The following SETBP1 variants were observed in gnomAD, a reference collection of about 807,000 sequenced individuals.
The protein encoded by SETBP1 is SET-binding protein.
SETBP1 carries 9 observed loss-of-function variants against 101.0 expected under a neutral mutation model. The observed-to-expected ratio is 0.09, with a 90% confidence interval of 0.05 to 0.16. The LOEUF (loss-of-function observed/expected upper bound fraction) is 0.16, where lower values mean the gene tolerates loss of function less well. Among genes scored for constraint, SETBP1 ranks in the 10% least tolerant of loss-of-function variants. The probability of loss-of-function intolerance (pLI) is 1.00; values close to 1 mark genes in which losing one functional copy is unlikely to be tolerated. For missense variants in SETBP1, 1,858 were observed against 2,033.8 expected (o/e 0.91, Z 1.66); for synonymous variants, 818 against 788.5 (o/e 1.04, Z -0.63).
intron 2 of SETBP1, among the ~76,000 whole-genome samples, chr18:44,864,857 CTAGA>C (rs796766212): frequency 6.6e-6 from 1 of 152,030 alleles, no homozygotes; most frequent in African/African-American, 2.4e-5. Flanking sequence ...CCCCTCAACC[CTAGA>C]CACAACAAGG....
At position 45,059,221 on chromosome 18, in the gene SETBP1, C is replaced by G. The variant is rs188507017; in HGVS notation, c.4172-3858C>G. The stretch of plus-strand genomic sequence containing the variant: ...CATCAATACTTCCACTTACCTCCTC[C>G]CTTCCTTAGTATTTTAAAGTGAATC... On this transcript the variant is annotated intron_variant, in intron 5 of 5. Coordinates refer to ENST00000649279, the MANE Select transcript of SETBP1 (RefSeq NM_015559.3). 1.0e-3 allele frequency among the ~76,000 whole-genome samples: 152 copies of G among 152,250 alleles called. 2 individuals are homozygous for G. Among genetic ancestry groups the G allele is most frequent in the African/African-American group, 3.4e-3 (142 of 41,560 alleles).
chr18:44,695,885 T>C (rs1468142707), intron 1 of SETBP1, among the ~76,000 whole-genome samples: 2 of 151,362 alleles, frequency 1.3e-5, no homozygotes, highest in Non-Finnish European at 2.9e-5. Context: ...TGTTCATTGA[T>C]GAGACACTGA....
chr18:44,848,135 G>A (rs970242288), intron 2 of SETBP1, among the ~76,000 whole-genome samples: 1 of 151,848 alleles, frequency 6.6e-6, no homozygotes, highest in South Asian at 2.1e-4. Context: ...TGATTCTATA[G>A]TGCAAGTAAC....
At chr18:44,995,530 TG>T (rs1045514771) in intron 4 of SETBP1, among the ~76,000 whole-genome samples, 66 of 12,938 alleles carry the variant, frequency 5.1e-3, no homozygotes, top group African/African-American at 0.027. Context: ...TCCAGGCTTT[TG>T]TGTGTGTGTG....
intron 1 of SETBP1, among the ~76,000 whole-genome samples, chr18:44,693,078 G>A (rs1169282039): frequency 2.0e-5 from 3 of 151,038 alleles, no homozygotes; most frequent in Non-Finnish European, 4.4e-5. Flanking sequence ...TGCTCTTGCC[G>A]ATTGAGAGCT....
intron 5 of SETBP1, among the ~76,000 whole-genome samples, chr18:45,047,682 C>G (rs1184408630): frequency 6.6e-6 from 1 of 152,070 alleles, no homozygotes; most frequent in African/African-American, 2.4e-5. Context: ...CAGAAATGGT[C>G]TCAGGCAATG....
At chr18:44,810,559 C>G (rs2071840218) in intron 2 of SETBP1, among the ~76,000 whole-genome samples, 1 of 152,208 alleles carries the variant, frequency 6.6e-6, no homozygotes, top group African/African-American at 2.4e-5. Flanking sequence ...ATTCCCAAAG[C>G]TTTCCAAATG....
chr18:45,013,149 G>T (rs1450297379), intron 4 of SETBP1, among the ~76,000 whole-genome samples: 1 of 152,220 alleles, frequency 6.6e-6, no homozygotes, highest in Non-Finnish European at 1.5e-5. Context: ...GCAGGATGCT[G>T]AGTCTGTGCC....
At chr18:44,853,910 G>A (rs1169406788) in intron 2 of SETBP1, among the ~76,000 whole-genome samples, 2 of 152,072 alleles carry the variant, frequency 1.3e-5, no homozygotes, top group African/African-American at 4.8e-5. Context: ...CATCCTTTGG[G>A]GGATGGCTTT....
rs558001340 is a variant in SETBP1, at chr18:44,706,804, G to A, written c.486+4972G>A. ...TCAGGGTAGGAGATGTGGTGTGATA[G>A]TCTGACACCAAGCAGCTTTGTGAAT... On this transcript the variant is annotated intron_variant, in intron 2 of 5. Transcript: ENST00000649279. 8.5e-5 allele frequency among the ~76,000 whole-genome samples: 13 copies of A among 152,112 alleles called. No individual in the cohort carries two copies. The East Asian group carries it at 2.5e-3, about 29-fold the overall frequency.
At chr18:44,859,054 A>AGAAG (rs906531652) in intron 2 of SETBP1, among the ~76,000 whole-genome samples, 13 of 151,072 alleles carry the variant, frequency 8.6e-5, no homozygotes, top group African/African-American at 1.2e-4. Flanking sequence ...AAAGAAGGAA[A>AGAAG]GAAGGAAGGA....
Position 44,791,834 on chromosome 18 carries a change from CAGA to C in SETBP1, c.487-77395_487-77393del, listed in dbSNP as rs1214606764. Among the ~76,000 whole-genome samples, 5 of 152,280 alleles carry C rather than the reference CAGA, an allele frequency of 3.3e-5. No individual in the cohort carries two copies. The East Asian group carries it at 9.6e-4, about 29-fold the overall frequency. On this transcript the variant is annotated intron_variant, in intron 2 of 5. Coordinates refer to ENST00000649279, the MANE Select transcript of SETBP1 (RefSeq NM_015559.3). ...ATTTTGGCTCAAGTCTTGAAAAGCA[CAGA>C]GTGATGTCAGCTGAGGCGGCCGCTT...
chr18:44,791,271 C>T (rs1298800723), intron 2 of SETBP1, among the ~76,000 whole-genome samples: 2 of 152,218 alleles, frequency 1.3e-5, no homozygotes, highest in East Asian at 3.9e-4. Context: ...CAGGTCAGCT[C>T]CCACGAAAAA....
intron 5 of SETBP1, among the ~76,000 whole-genome samples, chr18:45,055,549 GAAAATCTTGGT>G (rs2073794517): frequency 6.6e-6 from 1 of 151,786 alleles, no homozygotes; most frequent in African/African-American, 2.4e-5. Context: ...ACTTGTTTTT[GAAAATCTTGGT>G]TTTTTTTTAA....
At chr18:44,941,622 T>C (rs1157919368) in intron 3 of SETBP1, among the ~76,000 whole-genome samples, 1 of 152,172 alleles carries the variant, frequency 6.6e-6, no homozygotes, top group East Asian at 1.9e-4. Context: ...AGTGAGGTAC[T>C]GTTTTTCCAT....
intron 2 of SETBP1, among the ~76,000 whole-genome samples, chr18:44,742,578 C>G (rs886339736): frequency 6.6e-6 from 1 of 152,202 alleles, no homozygotes; most frequent in African/African-American, 2.4e-5. Context: ...GGCAAGATGA[C>G]AAAAGAATCC....
At chr18:44,985,852 G>C (rs1215463704) in intron 4 of SETBP1, among the ~76,000 whole-genome samples, 1 of 152,116 alleles carries the variant, frequency 6.6e-6, no homozygotes, top group East Asian at 1.9e-4. Context: ...GATCCTGCAG[G>C]GGAAGCTAAT....
intron 2 of SETBP1, among the ~76,000 whole-genome samples, chr18:44,844,119 G>A (rs1031186105): frequency 3.3e-5 from 5 of 152,062 alleles, no homozygotes; most frequent in African/African-American, 7.2e-5. Flanking sequence ...ATGAGGGAAC[G>A]TATTTTCTCC....
intron 2 of SETBP1, among the ~76,000 whole-genome samples, chr18:44,817,284 C>T (rs1387968202): frequency 1.3e-5 from 2 of 152,148 alleles, no homozygotes; most frequent in East Asian, 1.9e-4. Context: ...CCAAACTGGG[C>T]GAGTGACTTT....
Sources: gnomAD v4.1 joint callset for allele counts (sites outside exome capture counted in the v4.1 genomes callset) on GRCh38, gnomAD v4.1.1 for gene constraint, MANE v1.5 for transcripts, NCBI Gene and HGNC (gene_info 2026-07-23, HGNC 2026-07-21) for gene names.